Variants in GPR158 observed in about 807,000 individuals in gnomAD.
GPR158 encodes the protein metabotropic glycine receptor.
In GPR158, 30 loss-of-function variants were observed where a neutral mutation model predicts 78.2. The observed-to-expected ratio is 0.38, with a 90% CI of 0.29 to 0.52. The LOEUF (loss-of-function observed/expected upper bound fraction) is 0.52, where lower values mean the gene tolerates loss of function less well. GPR158 is among the 20% of genes least tolerant of loss of function. The pLI is 0.83. For synonymous variants in GPR158, 581 were observed against 591.1 expected (o/e 0.98, Z 0.25); for missense variants, 1,463 against 1,523.5 (o/e 0.96, Z 0.66).
intron 2 of GPR158, among the ~76,000 whole-genome samples, chr10:25,268,302 G>A (rs1345966653): frequency 2.0e-5 from 3 of 151,982 alleles, no homozygotes; most frequent in Admixed American, 6.6e-5. Flanking sequence ...TTTCTTGATC[G>A]AGGTTCTTAG....
intron 1 of GPR158, among the ~76,000 whole-genome samples, chr10:25,208,796 G>C (rs1853087052): frequency 6.6e-6 from 1 of 151,896 alleles, no homozygotes; most frequent in African/African-American, 2.4e-5. Flanking sequence ...GGATTACTTG[G>C]AGACTGTACA....
chr10:25,223,830 C>CTAA (rs1687349039), intron 2 of GPR158, among the ~76,000 whole-genome samples: 1 of 152,070 alleles, frequency 6.6e-6, no homozygotes, highest in Non-Finnish European at 1.5e-5. Context: ...TTTTATCTTG[C>CTAA]TAATATTTAA....
At chr10:25,499,196 G>T (rs1835921533) in intron 5 of GPR158, among the ~76,000 whole-genome samples, 2 of 133,356 alleles carry the variant, frequency 1.5e-5, no homozygotes, top group African/African-American at 6.0e-5. Flanking sequence ...AACTGTAACA[G>T]AATTATAATT....
chr10:25,342,639 G>C (rs1021892140), intron 2 of GPR158, among the ~76,000 whole-genome samples: 3 of 151,726 alleles, frequency 2.0e-5, no homozygotes, highest in African/African-American at 7.3e-5. Context: ...AATCCTTCCT[G>C]TTGTTTCAGA....
At chr10:25,368,641 T>A (rs1839424536) in intron 2 of GPR158, among the ~76,000 whole-genome samples, 1 of 151,880 alleles carries the variant, frequency 6.6e-6, no homozygotes, top group Admixed American at 6.6e-5. Flanking sequence ...GGTGGGAGTG[T>A]AAATTTGTTC....
intron 4 of GPR158, among the ~76,000 whole-genome samples, chr10:25,413,626 T>C (rs1161546318): frequency 6.6e-6 from 1 of 152,190 alleles, no homozygotes; most frequent in African/African-American, 2.4e-5. Context: ...TCATTGAAGG[T>C]ATAAAGTGTT....
At chr10:25,511,957 C>T (rs945260797) in intron 5 of GPR158, among the ~76,000 whole-genome samples, 15 of 151,994 alleles carry the variant, frequency 9.9e-5, no homozygotes, top group Admixed American at 7.2e-4. Context: ...AGGTTGAAGT[C>T]GGGTAATGTG....
At chr10:25,448,485 G>A (rs1333577146) in intron 4 of GPR158, among the ~76,000 whole-genome samples, 1 of 152,176 alleles carries the variant, frequency 6.6e-6, no homozygotes, top group Non-Finnish European at 1.5e-5. Flanking sequence ...TTTACTTTAT[G>A]AATGTTATGT....
At chr10:25,407,290 C>A (rs536858406) in intron 3 of GPR158, among the ~76,000 whole-genome samples, 1 of 152,272 alleles carries the variant, frequency 6.6e-6, no homozygotes, top group South Asian at 2.1e-4. Context: ...AGAAATAATG[C>A]ATTGCCTCTT....
chr10:25,342,136 C>T (rs1855312105), intron 2 of GPR158, among the ~76,000 whole-genome samples: 2 of 151,990 alleles, frequency 1.3e-5, no homozygotes, highest in South Asian at 4.1e-4. Flanking sequence ...TCTAAAAGAG[C>T]ATGCTGAATT....
Position 25,598,874 on chromosome 10 carries a change from A to G in GPR158, c.3248A>G (p.Glu1083Gly). 6.2e-7 allele frequency: 1 copy of G among 1,614,120 alleles called. No individual in the cohort carries two copies. Among genetic ancestry groups the G allele is most frequent in the South Asian group, 1.1e-5 (1 of 91,078 alleles). Residue 1083 changes from glutamate (E) to glycine (G), a missense_variant, in exon 11 of 11, where the codon GAA becomes GGA. Transcript: ENST00000376351. Reference protein sequence around the residue: ...LWESQGQSILEDEKLLISKTP... With the variant: ...LWESQGQSILGDEKLLISKTP... ...GAGAGCCAAGGCCAGTCCATTTTGG[A>G]AGATGAGAAGCTTTTGATTTCCAAG...
chr10:25,303,473 G>A (rs7918109), intron 2 of GPR158, among the ~76,000 whole-genome samples: 2 of 151,980 alleles, frequency 1.3e-5, no homozygotes, highest in East Asian at 1.9e-4. Flanking sequence ...TGTGATTATC[G>A]AATTTGTAGA....
chr10:25,389,401 A>G (rs1375191673), intron 2 of GPR158, among the ~76,000 whole-genome samples: 2 of 152,274 alleles, frequency 1.3e-5, no homozygotes, highest in African/African-American at 2.4e-5. Flanking sequence ...TGAGAGCTCG[A>G]CAGTCATCAG....
At chr10:25,494,330 A>T (rs767218830) in intron 5 of GPR158, among the ~76,000 whole-genome samples, 7 of 152,112 alleles carry the variant, frequency 4.6e-5, no homozygotes, top group Non-Finnish European at 8.8e-5. Context: ...ATGGATATTA[A>T]TTTTTCATGT....
Position 25,599,159 on chromosome 10 carries a change from C to T in GPR158, c.3533C>T (p.Thr1178Ile). The change falls in exon 11 of 11, where the codon ACC becomes ATC. Residue 1178 changes from threonine to isoleucine, a missense_variant. Transcript: ENST00000376351. ...RAEVCPWEFE[T>I]PAQPNAGRSV... is the part of the protein sequence containing the mutation. ...GAGGTTTGTCCTTGGGAGTTTGAGA[C>T]CCCAGCTCAACCAAATGCTGGAAGA... The T allele has an allele frequency of 1.9e-6, 3 of 1,610,904 alleles. No individual in the cohort carries two copies. The highest frequency in any genetic ancestry group is 2.5e-6 in the Non-Finnish European group (3 of 1,179,830).
intron 5 of GPR158, among the ~76,000 whole-genome samples, chr10:25,520,333 C>T (rs1381960424): frequency 7.0e-6 from 1 of 142,234 alleles, no homozygotes; most frequent in African/African-American, 2.8e-5. Context: ...CCTCCCGTAG[C>T]TCAGAGTAAT....
chr10:25,420,032 G>C (rs1412487388), intron 4 of GPR158, among the ~76,000 whole-genome samples: 3 of 151,938 alleles, frequency 2.0e-5, no homozygotes, highest in Non-Finnish European at 2.9e-5. Flanking sequence ...TGAGTTGTAG[G>C]AGTTCCTTAT....
chr10:25,277,353 GA>G (rs921132388), intron 2 of GPR158, among the ~76,000 whole-genome samples: 1 of 151,594 alleles, frequency 6.6e-6, no homozygotes, highest in African/African-American at 2.4e-5. Context: ...GCTCCTATAG[GA>G]AAAAAATGAA....
chr10:25,185,767 G>A (rs1852675886), intron 1 of GPR158, among the ~76,000 whole-genome samples: 2 of 151,872 alleles, frequency 1.3e-5, no homozygotes, highest in Non-Finnish European at 2.9e-5. Context: ...AGCTTGCAGT[G>A]AGCCGAGATG....
Sources: allele counts gnomAD v4.1 joint callset (sites outside exome capture counted in the v4.1 genomes callset), GRCh38; gene constraint gnomAD v4.1.1; transcripts MANE v1.5; gene names NCBI Gene and HGNC (gene_info 2026-07-23, HGNC 2026-07-21).